Variants in LUZP2 observed in about 807,000 individuals in gnomAD.
The protein encoded by LUZP2 is leucine zipper protein 2.
A neutral mutation model predicts 51.6 loss-of-function variants in LUZP2; 52 were observed. The observed-to-expected ratio is 1.01, with a 90% CI of 0.81 to 1.27. The LOEUF (loss-of-function observed/expected upper bound fraction) is 1.27, where lower values mean the gene tolerates loss of function less well. Ranked by LOEUF, LUZP2 falls within the 50% of genes most tolerant of loss-of-function variation. The probability of loss-of-function intolerance (pLI) is 0.00; values close to 1 mark genes in which losing one functional copy is unlikely to be tolerated. For synonymous variants in LUZP2, 154 were observed against 137.3 expected (o/e 1.12, Z -0.85); for missense variants, 436 against 395.4 (o/e 1.10, Z -0.87).
intron 4 of LUZP2, among the ~76,000 whole-genome samples, chr11:24,753,601 A>G (rs1316508297): frequency 6.6e-6 from 1 of 152,216 alleles, no homozygotes; most frequent in Non-Finnish European, 1.5e-5. Flanking sequence ...GCTCATTCCC[A>G]TAATACAATC....
chr11:24,982,506 G>A (rs1488179814), intron 8 of LUZP2, among the ~76,000 whole-genome samples: 1 of 151,752 alleles, frequency 6.6e-6, no homozygotes, highest in Non-Finnish European at 1.5e-5. Context: ...ACTAATGCAG[G>A]TACAGAAAAC....
chr11:24,703,516 T>C (rs935852431), intron 1 of LUZP2, among the ~76,000 whole-genome samples: 11 of 152,232 alleles, frequency 7.2e-5, no homozygotes, highest in Admixed American at 6.5e-5. Context: ...GGCTTCATTA[T>C]GCTTGAGTAA....
intron 5 of LUZP2, among the ~76,000 whole-genome samples, chr11:24,799,174 G>A (rs1458658999): frequency 6.6e-6 from 1 of 152,190 alleles, no homozygotes; most frequent in East Asian, 1.9e-4. Flanking sequence ...TATGCATTAT[G>A]TGCTGATGAA....
intron 1 of LUZP2, among the ~76,000 whole-genome samples, chr11:24,682,600 A>G (rs1856774569): frequency 1.4e-5 from 2 of 144,694 alleles, no homozygotes; most frequent in South Asian, 2.2e-4. Flanking sequence ...GTGTGTGTGT[A>G]TATATATGTG....
At chr11:24,866,113 T>TACAC (rs60308723) in intron 5 of LUZP2, among the ~76,000 whole-genome samples, 7,225 of 146,604 alleles carry the variant, frequency 0.049, 306 homozygotes, top group African/African-American at 0.11. Flanking sequence ...CTGCATTTCA[T>TACAC]ACACACACAC....
At chr11:24,824,154 G>A (rs1231179657) in intron 5 of LUZP2, among the ~76,000 whole-genome samples, 6 of 151,216 alleles carry the variant, frequency 4.0e-5, no homozygotes, top group Non-Finnish European at 5.9e-5. Context: ...ACCTGAGGTC[G>A]GGAGTTCGAG....
At chr11:25,031,067 C>T (rs1433451883) in intron 9 of LUZP2, among the ~76,000 whole-genome samples, 2 of 128,910 alleles carry the variant, frequency 1.6e-5, no homozygotes, top group African/African-American at 5.7e-5. Flanking sequence ...GGCTGGAGTG[C>T]AGTGGTGTGA....
chr11:24,592,423 T>TA (rs1409815657), intron 1 of LUZP2, among the ~76,000 whole-genome samples: 1 of 152,170 alleles, frequency 6.6e-6, no homozygotes, highest in Non-Finnish European at 1.5e-5. Flanking sequence ...AAAGATAGAA[T>TA]AAAAATGATA....
At chr11:24,904,141 T>C (rs1853366446) in intron 5 of LUZP2, among the ~76,000 whole-genome samples, 1 of 152,206 alleles carries the variant, frequency 6.6e-6, no homozygotes, top group Non-Finnish European at 1.5e-5. Context: ...GTACTTGTTA[T>C]TTTTTGCCTT....
At chr11:24,901,413 A>C (rs1360327829) in intron 5 of LUZP2, among the ~76,000 whole-genome samples, 1 of 146,880 alleles carries the variant, frequency 6.8e-6, no homozygotes, top group Non-Finnish European at 1.5e-5. Flanking sequence ...AAAAAAAAAA[A>C]GGTAACTTGA....
chr11:24,847,349 G>A (rs888822513), intron 5 of LUZP2, among the ~76,000 whole-genome samples: 1 of 152,050 alleles, frequency 6.6e-6, no homozygotes, highest in Non-Finnish European at 1.5e-5. Context: ...TCGGTACTGA[G>A]TGATTCCTCA....
intron 9 of LUZP2, among the ~76,000 whole-genome samples, chr11:25,001,908 G>C (rs770493045): frequency 6.6e-6 from 1 of 151,880 alleles, no homozygotes; most frequent in African/African-American, 2.4e-5. Flanking sequence ...CCAGCTGCTT[G>C]TACTGCTGTT....
At chr11:24,925,651 A>T (rs908810377) in intron 7 of LUZP2, among the ~76,000 whole-genome samples, 4 of 152,194 alleles carry the variant, frequency 2.6e-5, no homozygotes, top group African/African-American at 7.2e-5. Flanking sequence ...ATAAACATGA[A>T]TTTTTTTCTC....
chr11:24,506,674 T>C (rs1214946271), intron 1 of LUZP2, among the ~76,000 whole-genome samples: 1 of 152,106 alleles, frequency 6.6e-6, no homozygotes, highest in African/African-American at 2.4e-5. Context: ...ATCGTGTGTG[T>C]AGAAGTGCTA....
intron 10 of LUZP2, among the ~76,000 whole-genome samples, chr11:25,054,421 A>G (rs1260967392): frequency 1.3e-5 from 2 of 152,064 alleles, no homozygotes; most frequent in East Asian, 3.9e-4. Context: ...TTTTTTTCTT[A>G]TGGTTTCTCA....
At chr11:24,669,109 G>C (rs543908514) in intron 1 of LUZP2, among the ~76,000 whole-genome samples, 192 of 152,214 alleles carry the variant, frequency 1.3e-3, no homozygotes, top group African/African-American at 4.5e-3. Flanking sequence ...CCAAGTTAAA[G>C]ACCCAGCTCT....
At position 24,497,249 on chromosome 11, in the gene LUZP2, A is replaced by C; in HGVS notation, c.6A>C (p.Lys2Asn). 6.4e-7 allele frequency: 1 copy of C among 1,555,568 alleles called. No homozygotes were observed. Among genetic ancestry groups the C allele is most frequent in the Non-Finnish European group, 8.7e-7 (1 of 1,148,054 alleles). Residue 2 changes from lysine (K) to asparagine (N), a missense_variant, in exon 1 of 12, where the codon AAA (lysine) becomes AAC (asparagine). By Grantham distance (94) the Lys-to-Asn change is moderately conservative. Transcript: ENST00000336930. ...GGACCCCGGCAGGCAGCAGCATGAA[A>C]TTCAGCCCAGCGCACTACCTGCTGC... The part of the protein sequence containing the change: M[K>N]FSPAHYLLPL...
intron 7 of LUZP2, among the ~76,000 whole-genome samples, chr11:24,962,832 G>A (rs1331378225): frequency 6.6e-6 from 1 of 152,160 alleles, no homozygotes; most frequent in African/African-American, 2.4e-5. Context: ...GAGGAAGAGA[G>A]GTGCTCTGCT....
intron 1 of LUZP2, among the ~76,000 whole-genome samples, chr11:24,560,569 C>T (rs1852008712): frequency 6.6e-6 from 1 of 152,106 alleles, no homozygotes; most frequent in African/African-American, 2.4e-5. Flanking sequence ...TCTAGGTGCA[C>T]TAAAGAACAC....
Sources: allele counts gnomAD v4.1 joint callset (sites outside exome capture counted in the v4.1 genomes callset), GRCh38; gene constraint gnomAD v4.1.1; transcripts MANE v1.5; gene names NCBI Gene and HGNC (gene_info 2026-07-23, HGNC 2026-07-21).